MAPDA: variants seen among roughly 807,000 people sequenced by gnomAD.
MAPDA encodes the protein N6-Methyl-AMP deaminase, also known as N6,N6-dimethyl-AMP deaminase.
At chr15:43,345,879 G>T in the MAPDA span, 1 of 1,614,204 alleles carries the variant, frequency 6.2e-7, no homozygotes, top group Non-Finnish European at 8.5e-7. Flanking sequence ...TGACAGAAGA[G>T]GTGGCCCTTT....
chr15:43,332,763 G>A, the MAPDA span, among the ~76,000 whole-genome samples: 1 of 152,124 alleles, frequency 6.6e-6, no homozygotes, highest in South Asian at 2.1e-4. Flanking sequence ...TCCCTTTTGG[G>A]GGAGTAGGTG....
the MAPDA span, among the ~76,000 whole-genome samples, chr15:43,348,645 A>T: frequency 3.9e-5 from 6 of 152,168 alleles, no homozygotes; most frequent in African/African-American, 1.4e-4. Context: ...GATTCTTGTG[A>T]GGCCTTAAAT....
At chr15:43,347,132 T>G in the MAPDA span, 5 of 1,546,124 alleles carry the variant, frequency 3.2e-6, no homozygotes, top group Admixed American at 8.7e-5. Flanking sequence ...AGGGACAGAT[T>G]GTAATAGAAA....
chr15:43,351,843 T>C, the MAPDA span: 1 of 1,551,720 alleles, frequency 6.4e-7, no homozygotes, highest in South Asian at 1.2e-5. Flanking sequence ...AGGTGTGGGA[T>C]CTGTCTTATG....
the MAPDA span, chr15:43,330,523 C>T: frequency 1.5e-5 from 22 of 1,508,068 alleles, no homozygotes; most frequent in Non-Finnish European, 1.9e-5. Flanking sequence ...CAGTCTGTCA[C>T]GGTTGTGAGC....
chr15:43,334,886 T>A, the MAPDA span: 3 of 440,540 alleles, frequency 6.8e-6, no homozygotes, highest in African/African-American at 2.1e-5. Flanking sequence ...AAAGAAAAAA[T>A]TAACAAAATC....
chr15:43,345,960 G>C, the MAPDA span: 2 of 1,614,124 alleles, frequency 1.2e-6, no homozygotes, highest in South Asian at 1.1e-5. Flanking sequence ...TCTTGGCCTT[G>C]ACCTCAGTGG....
the MAPDA span, among the ~76,000 whole-genome samples, chr15:43,343,893 G>A: frequency 6.6e-6 from 1 of 151,088 alleles, no homozygotes; most frequent in Non-Finnish European, 1.5e-5. Context: ...AAAAAACCAA[G>A]CAGAAGACAA....
At chr15:43,335,602 A>G in the MAPDA span, 1 of 1,323,466 alleles carries the variant, frequency 7.6e-7, no homozygotes, top group African/African-American at 1.5e-5. Flanking sequence ...TCTAGTAAGC[A>G]GTTTGCCTAT....
At chr15:43,332,312 G>A in the MAPDA span, 7 of 151,996 alleles carry the variant, frequency 4.6e-5, no homozygotes, top group Admixed American at 4.6e-4. Context: ...TGCTGGGTCA[G>A]TGGATCCTCA....
At chr15:43,335,876 T>G in the MAPDA span, 1 of 1,579,882 alleles carries the variant, frequency 6.3e-7, no homozygotes, top group Non-Finnish European at 8.6e-7. Context: ...CTATCAGTAT[T>G]TTGAGATTGT....
chr15:43,351,507 T>C, the MAPDA span: 4 of 492,806 alleles, frequency 8.1e-6, no homozygotes, highest in African/African-American at 3.9e-5. Context: ...TGGGCAGAGA[T>C]AGGCTTTAAA....
the MAPDA span, among the ~76,000 whole-genome samples, chr15:43,344,284 T>C: frequency 6.6e-6 from 1 of 152,120 alleles, no homozygotes. Flanking sequence ...ATATCCAGCA[T>C]TCAGAGGATA....
At chr15:43,343,293 T>C in the MAPDA span, among the ~76,000 whole-genome samples, 1 of 152,250 alleles carries the variant, frequency 6.6e-6, no homozygotes, top group African/African-American at 2.4e-5. Flanking sequence ...GAGTAAAGTA[T>C]GGTGTTCCTT....
chr15:43,348,929 C>T, the MAPDA span: 1 of 1,613,850 alleles, frequency 6.2e-7, no homozygotes, highest in Non-Finnish European at 8.5e-7. Context: ...AAAAAAGAAA[C>T]ACAAATACTC....
chr15:43,337,219 A>G, the MAPDA span, among the ~76,000 whole-genome samples: 2 of 147,868 alleles, frequency 1.4e-5, no homozygotes, highest in Non-Finnish European at 3.0e-5. Flanking sequence ...GAGCTTGCGG[A>G]GAGCCGAGAT....
chr15:43,351,153 AGAG>A, the MAPDA span: 3 of 1,067,622 alleles, frequency 2.8e-6, no homozygotes, highest in East Asian at 7.8e-5. Flanking sequence ...ATGCCCAAGT[AGAG>A]GAGTTAGAAG....
chr15:43,346,650 C>T, the MAPDA span, among the ~76,000 whole-genome samples: 5 of 152,190 alleles, frequency 3.3e-5, no homozygotes, highest in Non-Finnish European at 7.3e-5. Flanking sequence ...TTTTATCCAC[C>T]TGTTTAACGG....
chr15:43,346,095 C>A, the MAPDA span: 3 of 1,394,232 alleles, frequency 2.2e-6, no homozygotes, highest in Non-Finnish European at 3.0e-6. Flanking sequence ...ACACTCCATT[C>A]TGTGGATGAA....
Sources: allele counts gnomAD v4.1 joint callset (sites outside exome capture counted in the v4.1 genomes callset), GRCh38; gene constraint gnomAD v4.1.1; transcripts MANE v1.5; gene names NCBI Gene and HGNC (gene_info 2026-07-23, HGNC 2026-07-21).